Variants in PICK1 observed in about 807,000 individuals in gnomAD.
The protein encoded by PICK1 is protein interacting with PRKCA 1, also known as PRKCA-binding protein.
In PICK1, 23 loss-of-function variants were observed where a neutral mutation model predicts 48.9. The observed-to-expected ratio is 0.47, with a 90% confidence interval of 0.34 to 0.67. The LOEUF is 0.67. PICK1 is among the 30% of genes least tolerant of loss of function. The pLI, the probability that PICK1 is intolerant of heterozygous loss-of-function variation, is 0.01. For missense variants in PICK1, 423 were observed against 557.1 expected, an observed-to-expected ratio of 0.76 and a Z score of 2.42; for synonymous variants, 217 against 228.2, an observed-to-expected ratio of 0.95 and a Z score of 0.44.
At chr22:38,062,250 CTTT>C (rs58816852) in intron 3 of PICK1, among the ~76,000 whole-genome samples, 34 of 133,666 alleles carry the variant, frequency 2.5e-4, no homozygotes, top group Non-Finnish European at 2.4e-4. Context: ...AATTTCCCAT[CTTT>C]TTTTTTTTTT....
rs1055931444 is a variant in PICK1, at chr22:38,074,227, A to G, written c.835-80A>G. 6.6e-7 allele frequency: 1 copy of G among 1,519,748 alleles called. No individual in the cohort carries two copies. The highest frequency in any genetic ancestry group is 1.4e-5 in the African/African-American group (1 of 73,274). 94.1% of individuals were successfully genotyped at this position (1,519,748 alleles called of 1,614,324 possible). A position where few individuals can be genotyped will look rare whatever the true frequency, so the allele number is the denominator to read the frequency against. ...TCTCAGAAATGAGGTCTCAGGAATG[A>G]AGAACAGCCGTGGCTTTGAAAGCAC... On this transcript the variant is annotated intron_variant, in intron 11 of 12. Coordinates refer to ENST00000356976, the MANE Select transcript of PICK1 (RefSeq NM_012407.4). This position sits in a 1 kb window ranked among gnomAD's most constrained non-coding sequence, Gnocchi z 4.5.
chr22:38,074,809 C>G lies in PICK1; in HGVS notation c.980-55C>G. On this transcript the variant is annotated intron_variant, in intron 12 of 12. Transcript: ENST00000356976. This position sits in a 1 kb window ranked among gnomAD's most constrained non-coding sequence, Gnocchi z 4.5. ...CCGGGTGGGCTGGGAGAGTCTCCTC[C>G]CTGAGGCAGGCAGCCAGAGCCCACT... The G allele has an allele frequency of 2.5e-6, 4 of 1,599,130 alleles. No individual in the cohort carries two copies. The highest frequency in any genetic ancestry group is 1.3e-5 in the African/African-American group (1 of 74,984).
Position 38,074,759 on chromosome 22 carries a change from A to T in PICK1, c.980-105A>T. 1 of 1,450,892 alleles carries T rather than the reference A, an allele frequency of 6.9e-7. No individual in the cohort carries two copies. Among genetic ancestry groups the T allele is most frequent in the Non-Finnish European group, 9.4e-7 (1 of 1,060,276 alleles). 89.9% of individuals were successfully genotyped at this position (1,450,892 alleles called of 1,614,324 possible). A position where few individuals can be genotyped will look rare whatever the true frequency, so the allele number is the denominator to read the frequency against. On this transcript the variant is annotated intron_variant, in intron 12 of 12. Coordinates refer to ENST00000356976, the MANE Select transcript of PICK1 (RefSeq NM_012407.4). This position sits in a 1 kb window ranked among gnomAD's most constrained non-coding sequence, Gnocchi z 4.5. ...GGGGTCAGGGAAGTGCCCGAGTGGG[A>T]AGCCCAGGGGAGGCGAGAGGTGGGC...
Position 38,073,695 on chromosome 22 carries a change from G to T in PICK1, c.784-78G>T, listed in dbSNP as rs1428046327. The T allele has an allele frequency of 7.7e-7, 1 of 1,297,994 alleles. No individual in the cohort carries two copies. Among genetic ancestry groups the T allele is most frequent in the African/African-American group, 1.5e-5 (1 of 68,868 alleles). The allele number at this position is 1,297,994 out of a possible 1,614,324, so 80.4% of individuals were successfully genotyped here. A position where few individuals can be genotyped will look rare whatever the true frequency, so the allele number is the denominator to read the frequency against. On this transcript the variant is annotated intron_variant, in intron 10 of 12. Coordinates refer to ENST00000356976, the MANE Select transcript of PICK1 (RefSeq NM_012407.4). The surrounding 1 kb of genome is among the most constrained non-coding windows in gnomAD (Gnocchi z 5.7). ...CACCTGCGCCAGCCTCTCCTGCTGC[G>T]TGTGGGTGATGGGGGTGGAGCTGGG... is the stretch of plus-strand genomic sequence containing the variant.
At chr22:38,064,489 C>T (rs541710369) in intron 3 of PICK1, among the ~76,000 whole-genome samples, 211 of 152,174 alleles carry the variant, frequency 1.4e-3, no homozygotes, top group African/African-American at 4.8e-3. Context: ...CCGCCGGGCA[C>T]GGTGGCTCAC....
In PICK1 at chr22:38,069,046, C is replaced by A; in HGVS notation, c.363C>A (p.Val121=). 1 of 1,613,334 alleles carries A rather than the reference C, an allele frequency of 6.2e-7. No individual in the cohort carries two copies. ...GMSLDIVLKK[V]KHRLVENMSS... is the part of the protein sequence containing the mutation. ...TCCCCCGCTCAGTGTTGAAGAAAGT[C>A]AAGCACCGGCTGGTGGAGAACATGA... Residue 121 remains valine (V), a synonymous_variant, in exon 6 of 13, where the codon GTC becomes GTA. Coordinates refer to ENST00000356976, the MANE Select transcript of PICK1 (RefSeq NM_012407.4).
chr22:38,058,208 A>G lies in PICK1; in HGVS notation c.41+358A>G, dbSNP rs113805564. ...ATATTGTAGACACCCTTCCTTCCCA[A>G]CATAGGTTGTTAGTAGGACAGATTT... is the stretch of plus-strand genomic sequence containing the variant. On this transcript the variant is annotated intron_variant, in intron 2 of 12. Transcript: ENST00000356976. The G allele has an allele frequency of 1.3e-4, 43 of 340,240 alleles. No individual in the cohort carries two copies. In the South Asian group the frequency reaches 1.4e-3, roughly 11 times the overall value. 21.1% of individuals were successfully genotyped at this position (340,240 alleles called of 1,614,324 possible).
Position 38,069,073 on chromosome 22 carries a change from T to C in PICK1, c.390T>C (p.Ser130=), listed in dbSNP as rs775116537. 4 of 1,613,002 alleles carry C rather than the reference T, an allele frequency of 2.5e-6. No individual in the cohort carries two copies. The highest frequency in any genetic ancestry group is 1.3e-5 in the African/African-American group (1 of 74,888). Residue 130 remains serine (S), a synonymous_variant, in exon 6 of 13, where the codon AGT becomes AGC. Transcript: ENST00000356976. ...KVKHRLVENM[S]SGTADALGLS... is the part of the protein sequence containing the mutation. ...AGCACCGGCTGGTGGAGAACATGAG[T>C]TCAGGGACCGCAGATGCTCTGGGCC... is the stretch of plus-strand genomic sequence containing the variant.
At chr22:38,064,773 T>G (rs576647934) in intron 3 of PICK1, among the ~76,000 whole-genome samples, 1 of 151,996 alleles carries the variant, frequency 6.6e-6, no homozygotes, top group Admixed American at 6.5e-5. Flanking sequence ...AAAAAAGAAA[T>G]CATTTGACTA....
rs1346566163 is a variant in PICK1 at position 38,074,176 on chromosome 22, C to G, written c.835-131C>G. 8.9e-7 allele frequency: 1 copy of G among 1,119,470 alleles called. No individual in the cohort carries two copies. Among genetic ancestry groups the G allele is most frequent in the Admixed American group, 2.0e-5 (1 of 50,930 alleles). 69.3% of individuals were successfully genotyped at this position (1,119,470 alleles called of 1,614,324 possible). ...TTTTTTCCTCTCTTCAAAGCTATCA[C>G]TGAGTGCTTCTGAGAAACACTGAAG... On this transcript the variant is annotated intron_variant, in intron 11 of 12. Coordinates refer to ENST00000356976, the MANE Select transcript of PICK1 (RefSeq NM_012407.4). The surrounding 1 kb of genome is among the most constrained non-coding windows in gnomAD (Gnocchi z 4.5).
chr22:38,072,333 G>A, intron 8 of PICK1, 144 bp from the exon 9 acceptor site: 2 of 955,412 alleles, frequency 2.1e-6, no homozygotes, highest in South Asian at 1.6e-5. Context: ...AGGGGGTTTA[G>A]ACCAGCTCTC....
In PICK1 at chr22:38,057,717, C is replaced by T. The variant is rs983572394; in HGVS notation, c.-57-36C>T. 6.9e-6 allele frequency: 8 copies of T among 1,163,612 alleles called. No individual in the cohort carries two copies. The Admixed American group carries it at 1.4e-4, about 20-fold the overall frequency. 72.1% of individuals were successfully genotyped at this position (1,163,612 alleles called of 1,614,324 possible). A position where few individuals can be genotyped will look rare whatever the true frequency, so the allele number is the denominator to read the frequency against. On this transcript the variant is annotated intron_variant, in intron 1 of 12. Coordinates refer to ENST00000356976, the MANE Select transcript of PICK1 (RefSeq NM_012407.4). ...GCGTTGGCATTTAGGCACTTGGGTT[C>T]CTTAAATCCTATGCTCCTTTCTCTC...
chr22:38,065,493 G>A lies in PICK1; in HGVS notation c.282+363G>A, dbSNP rs368392583. Among the ~76,000 whole-genome samples, 14 of 152,296 alleles carry A rather than the reference G, an allele frequency of 9.2e-5. 1 individual carries two copies. The South Asian group carries it at 2.5e-3, about 27-fold the overall frequency. On this transcript the variant is annotated intron_variant, in intron 4 of 12. Transcript: ENST00000356976. ...GTCCAAGGTGATCCTCCCTGGGTCA[G>A]TAGACACCCAATAATGTCAGCCGGG... is the stretch of plus-strand genomic sequence containing the variant.
chr22:38,072,646 G>A (rs749421094), intron 9 of PICK1, 36 bp downstream of exon 9: 69 of 1,609,460 alleles, frequency 4.3e-5, no homozygotes, highest in Non-Finnish European at 5.7e-5. Context: ...TCTGGCGTGT[G>A]AGGGTGGGGA....
chr22:38,064,756 G>A (rs557959444), intron 3 of PICK1, among the ~76,000 whole-genome samples: 6 of 152,094 alleles, frequency 3.9e-5, no homozygotes, highest in South Asian at 4.2e-4. Context: ...GCGAAACGCC[G>A]ACTCAAAAAA....
chr22:38,057,488 C>T lies in PICK1; in HGVS notation c.-157C>T, dbSNP rs907877122. ...GACCCGGCTGTGGGACCAACGCTTC[C>T]GGTGAGCGACAGAGGCAGCTCCCCA... On this transcript the variant is annotated 5_prime_UTR_variant, in exon 1 of 13. Transcript: ENST00000356976. 3 of 395,682 alleles carry T rather than the reference C, an allele frequency of 7.6e-6. No individual in the cohort carries two copies. In the South Asian group the frequency reaches 1.1e-4, roughly 15 times the overall value. The allele number at this position is 395,682 out of a possible 1,614,324, so 24.5% of individuals were successfully genotyped here.
chr22:38,058,595 C>T (rs2085326193), intron 2 of PICK1, among the ~76,000 whole-genome samples: 1 of 152,112 alleles, frequency 6.6e-6, no homozygotes, highest in Non-Finnish European at 1.5e-5. Flanking sequence ...GGAGTGCCTG[C>T]TATGGACTGG....
intron 3 of PICK1, among the ~76,000 whole-genome samples, chr22:38,061,982 G>A (rs77189957): frequency 0.018 from 2,740 of 152,244 alleles, 83 homozygotes; most frequent in African/African-American, 0.062. Context: ...TTAGTACAAC[G>A]GAGATTTTGT....
chr22:38,074,462 C>G lies in PICK1; in HGVS notation c.979+11C>G. ...TGGACCAGAAGCACGGTGAGCGCCG[C>G]CCTCCTCCCCGTCCGCTCTCCATTT... On this transcript the variant is annotated intron_variant, in intron 12 of 12. Coordinates refer to ENST00000356976, the MANE Select transcript of PICK1 (RefSeq NM_012407.4). The surrounding 1 kb of genome is among the most constrained non-coding windows in gnomAD (Gnocchi z 4.5). The G allele has an allele frequency of 6.8e-6, 11 of 1,612,988 alleles. No homozygotes were observed. Among genetic ancestry groups the G allele is most frequent in the Non-Finnish European group, 9.3e-6 (11 of 1,179,908 alleles).
Sources: allele counts gnomAD v4.1 joint callset (sites outside exome capture counted in the v4.1 genomes callset), GRCh38; gene constraint gnomAD v4.1.1; non-coding constraint Gnocchi (gnomAD v3.1); transcripts MANE v1.5; gene names NCBI Gene and HGNC (gene_info 2026-07-23, HGNC 2026-07-21).